Variants in GRIN2B observed in about 807,000 individuals in gnomAD.
GRIN2B encodes glutamate receptor ionotropic, NMDA 2B.
In GRIN2B, 5 loss-of-function variants were observed where a neutral mutation model predicts 114.5. The ratio of observed to expected loss-of-function variants is 0.04; its 90% CI spans 0.02 to 0.09. GRIN2B has a LOEUF of 0.09. GRIN2B is among the 10% of genes least tolerant of loss of function. GRIN2B has a pLI of 1.00. For missense variants in GRIN2B, 1,108 were observed against 1,943.5 expected (o/e 0.57, Z 8.08); for synonymous variants, 787 against 745.1 (o/e 1.06, Z -0.92).
At chr12:13,910,545 T>G (rs180991213) in intron 2 of GRIN2B, among the ~76,000 whole-genome samples, 1 of 152,218 alleles carries the variant, frequency 6.6e-6, no homozygotes, top group Non-Finnish European at 1.5e-5. Flanking sequence ...TCTTTGCCAC[T>G]GCTTTGGCTA....
intron 2 of GRIN2B, among the ~76,000 whole-genome samples, chr12:13,869,726 G>A (rs890722213): frequency 6.6e-6 from 1 of 152,102 alleles, no homozygotes; most frequent in Non-Finnish European, 1.5e-5. Flanking sequence ...GGGCCTCTCA[G>A]TATAATATGA....
chr12:13,703,932 A>C (rs756331738), intron 4 of GRIN2B, among the ~76,000 whole-genome samples: 1 of 152,180 alleles, frequency 6.6e-6, no homozygotes. Context: ...AAATATACCC[A>C]GTATACAGAT....
chr12:13,861,356 G>T (rs1865747941), intron 3 of GRIN2B, among the ~76,000 whole-genome samples: 1 of 152,266 alleles, frequency 6.6e-6, no homozygotes, highest in East Asian at 1.9e-4. Context: ...ACCCAGGGAA[G>T]ATTTCAGACA....
intron 2 of GRIN2B, among the ~76,000 whole-genome samples, chr12:13,888,910 T>C (rs1054093283): frequency 9.2e-5 from 14 of 152,106 alleles, no homozygotes; most frequent in Non-Finnish European, 7.4e-5. Context: ...TACACTACTA[T>C]AGACTTCATA....
Position 13,560,756 on chromosome 12 carries a change from A to C in GRIN2B, c.*2027T>G, listed in dbSNP as rs1948532326. The stretch of plus-strand genomic sequence containing the variant: ...TTTAGAAAGAAAACAAAGCTTTACA[A>C]GGCCTTCAGTTGGCTTTAAAATGAA... On this transcript the variant is annotated 3_prime_UTR_variant, in exon 14 of 14. Coordinates refer to ENST00000609686, the MANE Select transcript of GRIN2B (RefSeq NM_000834.5). 6.6e-6 allele frequency: 1 copy of C among 152,306 alleles called. No homozygotes were observed. The highest frequency in any genetic ancestry group is 1.5e-5 in the Non-Finnish European group (1 of 68,084). 9.4% of individuals were successfully genotyped at this position (152,306 alleles called of 1,614,324 possible).
At chr12:13,955,268 G>C (rs1329386379) in intron 2 of GRIN2B, among the ~76,000 whole-genome samples, 1 of 152,164 alleles carries the variant, frequency 6.6e-6, no homozygotes, top group African/African-American at 2.4e-5. Flanking sequence ...TGTTAGCAGA[G>C]AGATTTTCAT....
chr12:13,622,987 C>T (rs1949532469), intron 5 of GRIN2B, among the ~76,000 whole-genome samples: 1 of 152,194 alleles, frequency 6.6e-6, no homozygotes, highest in Admixed American at 6.5e-5. Flanking sequence ...ACCAAGTGAA[C>T]ATTCTAACAC....
intron 2 of GRIN2B, among the ~76,000 whole-genome samples, chr12:13,870,230 T>A (rs1292647164): frequency 1.3e-5 from 2 of 152,142 alleles, no homozygotes; most frequent in Admixed American, 6.5e-5. Context: ...TGTAGATGAA[T>A]TCAATAATCA....
chr12:13,701,553 C>T (rs1950313103), intron 4 of GRIN2B, among the ~76,000 whole-genome samples: 1 of 151,630 alleles, frequency 6.6e-6, no homozygotes, highest in South Asian at 2.1e-4. Flanking sequence ...ACAGTTCCTG[C>T]CACCACAGTG....
intron 2 of GRIN2B, among the ~76,000 whole-genome samples, chr12:13,920,957 A>G (rs928443221): frequency 1.3e-5 from 2 of 152,146 alleles, no homozygotes; most frequent in African/African-American, 4.8e-5. Context: ...ATTTGTACCA[A>G]TCCTAACGGC....
chr12:13,975,596 C>G (rs1027408033), intron 2 of GRIN2B, among the ~76,000 whole-genome samples: 1 of 152,182 alleles, frequency 6.6e-6, no homozygotes, highest in African/African-American at 2.4e-5. Context: ...CTTCCTAAAC[C>G]CAACAGAACA....
chr12:13,730,666 A>G (rs576966143), intron 4 of GRIN2B, among the ~76,000 whole-genome samples: 1 of 152,094 alleles, frequency 6.6e-6, no homozygotes, highest in East Asian at 1.9e-4. Context: ...AATTTTTCCT[A>G]CACCTCGTAA....
chr12:13,638,539 G>A (rs562310957), intron 5 of GRIN2B, among the ~76,000 whole-genome samples: 1 of 152,190 alleles, frequency 6.6e-6, no homozygotes, highest in Admixed American at 6.6e-5. Context: ...CCAAAGACAG[G>A]CAAGAGCTGG....
chr12:13,596,083 C>G (rs1260878994), intron 10 of GRIN2B, among the ~76,000 whole-genome samples: 1 of 151,864 alleles, frequency 6.6e-6, no homozygotes, highest in Non-Finnish European at 1.5e-5. Flanking sequence ...AGGTCCTCAG[C>G]TGCAGAGTCC....
chr12:13,736,093 C>T (rs1195233880), intron 4 of GRIN2B, among the ~76,000 whole-genome samples: 1 of 142,940 alleles, frequency 7.0e-6, no homozygotes, highest in Non-Finnish European at 1.5e-5. Flanking sequence ...TCTCAGTTTC[C>T]TTGACACTGA....
intron 2 of GRIN2B, among the ~76,000 whole-genome samples, chr12:13,943,859 G>C (rs142412303): frequency 9.0e-4 from 137 of 152,114 alleles, no homozygotes; most frequent in Middle Eastern, 3.4e-3. Flanking sequence ...GCATCTCTTC[G>C]TTTATTGTCT....
chr12:13,607,149 A>T (rs1450579563), intron 10 of GRIN2B, among the ~76,000 whole-genome samples: 1 of 127,858 alleles, frequency 7.8e-6, no homozygotes, highest in African/African-American at 3.0e-5. Context: ...GCACTCAAAA[A>T]AAATATATAT....
At chr12:13,647,869 G>C (rs1949776342) in intron 5 of GRIN2B, among the ~76,000 whole-genome samples, 1 of 152,112 alleles carries the variant, frequency 6.6e-6, no homozygotes, top group Non-Finnish European at 1.5e-5. Flanking sequence ...CTGGGTTAAT[G>C]AATCCCGCAG....
intron 2 of GRIN2B, among the ~76,000 whole-genome samples, chr12:13,894,249 A>G (rs1866315915): frequency 6.6e-6 from 1 of 152,164 alleles, no homozygotes; most frequent in Non-Finnish European, 1.5e-5. Context: ...GAAATAATGT[A>G]AAATACAGGC....
Sources: gnomAD v4.1 joint callset for allele counts (sites outside exome capture counted in the v4.1 genomes callset) on GRCh38, gnomAD v4.1.1 for gene constraint, MANE v1.5 for transcripts, NCBI Gene and HGNC (gene_info 2026-07-23, HGNC 2026-07-21) for gene names.